Variants in NBEAL1 observed in about 807,000 individuals in gnomAD.
NBEAL1 encodes neurobeachin like 1, also known as neurobeachin-like protein 1.
Under a neutral mutation model 351.3 loss-of-function variants are expected in NBEAL1, and 273 were observed. The ratio of observed to expected loss-of-function variants is 0.78; its 90% CI spans 0.70 to 0.86. NBEAL1 has a LOEUF of 0.86. NBEAL1 is among the 40% of genes least tolerant of loss of function. The pLI, the probability that NBEAL1 is intolerant of heterozygous loss-of-function variation, is 0.00. For synonymous variants in NBEAL1, 1,050 were observed against 1,086.4 expected, an observed-to-expected ratio of 0.97 and a Z score of 0.66; for missense variants, 2,961 against 3,201.3, an observed-to-expected ratio of 0.92 and a Z score of 1.81.
At chr2:203,199,816 C>G (rs1181420297) in intron 49 of NBEAL1, among the ~76,000 whole-genome samples, 1 of 152,040 alleles carries the variant, frequency 6.6e-6, no homozygotes, top group Non-Finnish European at 1.5e-5. Context: ...TTCCCTCCTT[C>G]CTCCCTCCAT....
At chr2:203,138,828 C>T in intron 31 of NBEAL1, 80 bp downstream of exon 31, 2 of 1,362,386 alleles carry the variant, frequency 1.5e-6, no homozygotes, top group South Asian at 1.8e-5. Context: ...GTTAAAATGT[C>T]TTTTTGGTAT....
In NBEAL1 at chr2:203,062,241, A is replaced by G. The variant is rs763493498; in HGVS notation, c.515+4788A>G. 3.1e-5 allele frequency: 14 copies of G among 457,724 alleles called. No individual in the cohort carries two copies. The highest frequency in any genetic ancestry group is 2.0e-4 in the South Asian group (13 of 64,614). 28.4% of individuals were successfully genotyped at this position (457,724 alleles called of 1,614,324 possible). On this transcript the variant is annotated intron_variant, in intron 6 of 55. Transcript: ENST00000683969. The surrounding 1 kb of genome is among the most constrained non-coding windows in gnomAD (Gnocchi z 4.2). ...CATTTCTCCCATATTTTCTGACTTG[A>G]TCGTCAACATTCTGGTCTTCCCATT...
chr2:203,107,266 A>G (rs2062458897), intron 12 of NBEAL1, among the ~76,000 whole-genome samples, 154 bp from the exon 13 acceptor site: 1 of 152,176 alleles, frequency 6.6e-6, no homozygotes, highest in Admixed American at 6.5e-5. Context: ...TAAAATGAAG[A>G]CATGATTTAA....
chr2:203,032,661 T>C (rs539375735), intron 2 of NBEAL1, among the ~76,000 whole-genome samples: 1,067 of 14,298 alleles, frequency 0.075, 8 homozygotes, highest in Non-Finnish European at 0.18. Context: ...AAATTGTAGC[T>C]TTTTTTTTTT....
At chr2:203,034,433 CTG>C (rs2061008019) in intron 2 of NBEAL1, among the ~76,000 whole-genome samples, 1 of 146,010 alleles carries the variant, frequency 6.8e-6, no homozygotes, top group Admixed American at 6.9e-5. Flanking sequence ...CTGGGATCAC[CTG>C]TGTGAGTCAC....
rs751357050 is a variant in NBEAL1, at chr2:203,125,371, G to A, written c.2702G>A (p.Gly901Asp). 4.6e-6 allele frequency: 7 copies of A among 1,533,490 alleles called. No homozygotes were observed. In the East Asian group the frequency reaches 1.5e-4, roughly 32 times the overall value. The allele number at this position is 1,533,490 out of a possible 1,614,324, so 95.0% of individuals were successfully genotyped here. A position where few individuals can be genotyped will look rare whatever the true frequency, so the allele number is the denominator to read the frequency against. The change falls in exon 20 of 56, where the codon GGT (glycine) becomes GAT (aspartate). Residue 901 changes from glycine (G) to aspartate (D), a missense_variant. By Grantham distance (94) the Gly-to-Asp change is moderately conservative. Transcript: ENST00000683969. Reference protein sequence around the residue: ...WDIKDIINCIGGLNVLFPLLE... With the variant: ...WDIKDIINCIDGLNVLFPLLE... ...CTTTAGGATATCATAAACTGCATAG[G>A]TGGGTTAAATGTACTCTTTCCTTTA...
chr2:203,025,467 C>T (rs1235308783), intron 2 of NBEAL1, among the ~76,000 whole-genome samples: 1 of 152,138 alleles, frequency 6.6e-6, no homozygotes, highest in Non-Finnish European at 1.5e-5. Context: ...TCTACATTTG[C>T]TACAGCTTTT....
chr2:203,054,953 A>G (rs1189453564), intron 4 of NBEAL1, among the ~76,000 whole-genome samples: 1 of 152,166 alleles, frequency 6.6e-6, no homozygotes, highest in African/African-American at 2.4e-5. Context: ...TCCCTTTTCA[A>G]CATTGTGAGA....
rs182005734 is a variant in NBEAL1, at chr2:203,154,449, G to A, written c.5587+2860G>A. Among the ~76,000 whole-genome samples the A allele has an allele frequency of 2.7e-3, 414 of 152,052 alleles. 3 individuals are homozygous for A. The highest frequency in any genetic ancestry group is 3.1e-3 in the Non-Finnish European group (212 of 67,974). ...ACTCCTTAGTTTTGTCTATATTTCC[G>A]TTAACTGCCAGAATTCATGGTTTTC... On this transcript the variant is annotated intron_variant, in intron 35 of 55. Coordinates refer to ENST00000683969, the MANE Select transcript of NBEAL1 (RefSeq NM_001378026.1).
chr2:203,166,944 A>G, intron 37 of NBEAL1, among the ~76,000 whole-genome samples: 1 of 152,180 alleles, frequency 6.6e-6, no homozygotes, highest in Non-Finnish European at 1.5e-5. Context: ...TAAAAGGATG[A>G]ATAAATCTAA....
At chr2:203,059,829 A>G (rs1292210306) in intron 6 of NBEAL1, among the ~76,000 whole-genome samples, 1 of 152,220 alleles carries the variant, frequency 6.6e-6, no homozygotes, top group Non-Finnish European at 1.5e-5. Flanking sequence ...GGCTTCAGTT[A>G]GCTATAGAGA....
At chr2:203,074,899 T>A (rs2061744753) in intron 7 of NBEAL1, 1 of 153,028 alleles carries the variant, frequency 6.5e-6, no homozygotes, top group African/African-American at 2.4e-5. Flanking sequence ...GCTGACTTAG[T>A]GGCTTAAAGG....
At position 203,208,672 on chromosome 2, in the gene NBEAL1, T is replaced by A; in HGVS notation, c.7542T>A (p.Phe2514Leu). 6.2e-7 allele frequency: 1 copy of A among 1,612,502 alleles called. No homozygotes were observed. Among genetic ancestry groups the A allele is most frequent in the Non-Finnish European group, 8.5e-7 (1 of 1,179,630 alleles). The change falls in exon 52 of 56, where the codon TTT becomes TTA. Residue 2514 changes from phenylalanine to leucine, a missense_variant. Physicochemically the swap from Phe to Leu is conservative, Grantham distance 22. Transcript: ENST00000683969. ...GVPVGLASKP[F>L]QILYGHTNEV... Reference sequence around the variant, plus strand: ...CTGTGGGCTTAGCATCTAAACCTTTTCAGATTCTTTATGGACACACCAACG... The same window carrying A: ...CTGTGGGCTTAGCATCTAAACCTTTACAGATTCTTTATGGACACACCAACG...
At chr2:203,076,720 T>A (rs1302526407) in intron 7 of NBEAL1, among the ~76,000 whole-genome samples, 1 of 150,858 alleles carries the variant, frequency 6.6e-6, no homozygotes, top group East Asian at 2.0e-4. Context: ...GCCTCCCGAG[T>A]AGCTGGGATT....
intron 10 of NBEAL1, among the ~76,000 whole-genome samples, chr2:203,097,168 G>A (rs184596495): frequency 5.3e-4 from 80 of 152,170 alleles, no homozygotes; most frequent in African/African-American, 1.8e-3. Flanking sequence ...AACTCCCACC[G>A]AGTTTCTCCC....
intron 35 of NBEAL1, among the ~76,000 whole-genome samples, chr2:203,154,241 A>T (rs2063739888): frequency 6.6e-6 from 1 of 152,086 alleles, no homozygotes; most frequent in Non-Finnish European, 1.5e-5. Flanking sequence ...GTCTCAAAAA[A>T]AAAAAAAAAA....
chr2:203,162,792 A>C (rs934545538), intron 36 of NBEAL1, among the ~76,000 whole-genome samples: 1 of 152,214 alleles, frequency 6.6e-6, no homozygotes, highest in Non-Finnish European at 1.5e-5. Flanking sequence ...AATTAATATA[A>C]TATCAAAAAG....
In NBEAL1 at chr2:203,199,389, G is replaced by T; in HGVS notation, c.7180G>T (p.Asp2394Tyr). ...VIGTHGWLPYDRNISNYFTFI... is the reference protein window; with the variant it reads ...VIGTHGWLPYYRNISNYFTFI... ...TGGAACCCATGGATGGTTGCCTTAT[G>T]ACAGAAACATTTCTAATTACTTTAC... Residue 2394 changes from aspartate (D) to tyrosine (Y), a missense_variant, in exon 49 of 56, where the codon GAC becomes TAC. Physicochemically the swap from Asp to Tyr is radical, Grantham distance 160 (BLOSUM62 -3). Coordinates refer to ENST00000683969, the MANE Select transcript of NBEAL1 (RefSeq NM_001378026.1). The T allele has an allele frequency of 6.2e-7, 1 of 1,609,130 alleles. No individual in the cohort carries two copies. Among genetic ancestry groups the T allele is most frequent in the South Asian group, 1.1e-5 (1 of 90,612 alleles).
chr2:203,168,371 A>T (rs2064204014), intron 38 of NBEAL1, among the ~76,000 whole-genome samples: 1 of 151,854 alleles, frequency 6.6e-6, no homozygotes, highest in Non-Finnish European at 1.5e-5. Flanking sequence ...GGATCACCTG[A>T]AGTCAGGAGT....
Sources: gnomAD v4.1 joint callset for allele counts (sites outside exome capture counted in the v4.1 genomes callset) on GRCh38, gnomAD v4.1.1 for gene constraint, Gnocchi (gnomAD v3.1) non-coding constraint, MANE v1.5 for transcripts, NCBI Gene and HGNC (gene_info 2026-07-23, HGNC 2026-07-21) for gene names.